Variants in CHRM1 observed in about 807,000 individuals in gnomAD.
CHRM1 encodes cholinergic receptor muscarinic 1.
In CHRM1, 5 loss-of-function variants were observed where a neutral mutation model predicts 31.6. That is an observed-to-expected ratio of 0.16 (90% CI 0.08 to 0.33). The LOEUF is 0.33. Ranked by LOEUF, CHRM1 falls within the 10% of genes least tolerant of loss-of-function variation. The pLI, the probability that CHRM1 is intolerant of heterozygous loss-of-function variation, is 1.00. For synonymous variants in CHRM1, 227 were observed against 249.7 expected (o/e 0.91, Z 0.86); for missense variants, 338 against 610.3 (o/e 0.55, Z 4.70).
chr11:62,919,594 T>A (rs1190955500), intron 1 of CHRM1, among the ~76,000 whole-genome samples: 1 of 151,976 alleles, frequency 6.6e-6, no homozygotes, highest in Non-Finnish European at 1.5e-5. Flanking sequence ...CCTCATTTCC[T>A]TTCTTCTCTC....
intron 1 of CHRM1, chr11:62,917,813 AGTAACTGGTATTT>A (rs916587902): frequency 9.9e-5 from 15 of 152,200 alleles, no homozygotes; most frequent in African/African-American, 3.6e-4. Context: ...CTCATATTAT[AGTAACTGGTATTT>A]ACTGGCTGCA....
Position 62,910,473 on chromosome 11 carries a change from G to A in CHRM1, c.628C>T (p.Arg210Cys), listed in dbSNP as rs1213211267. The A allele has an allele frequency of 1.9e-6, 3 of 1,613,992 alleles. No homozygotes were observed. Among genetic ancestry groups the A allele is most frequent in the East Asian group, 2.2e-5 (1 of 44,894 alleles). The change falls in exon 2 of 2, where the codon CGC (arginine) becomes TGC (cysteine). Residue 210 changes from arginine (R) to cysteine (C), a missense_variant. Coordinates refer to ENST00000306960, the MANE Select transcript of CHRM1 (RefSeq NM_000738.3). The surrounding 1 kb of genome is among the most constrained non-coding windows in gnomAD (Gnocchi z 8.7). Reference protein sequence around the residue: ...PVTVMCTLYWRIYRETENRAR... With the variant: ...PVTVMCTLYWCIYRETENRAR... ...CGGTTCTCTGTCTCCCGGTAGATGCGCCAGTAGAGCGTGCACATGACTGTG... is the reference window on the plus strand; with the variant it reads ...CGGTTCTCTGTCTCCCGGTAGATGCACCAGTAGAGCGTGCACATGACTGTG...
At chr11:62,917,225 T>C (rs1297953569) in intron 1 of CHRM1, among the ~76,000 whole-genome samples, 2 of 152,184 alleles carry the variant, frequency 1.3e-5, no homozygotes, top group Middle Eastern at 3.2e-3. Context: ...TTGTGGCAGA[T>C]TCCCCTGGGG....
At chr11:62,921,865 G>A (rs1328685361), upstream of CHRM1, 4 of 152,150 alleles carry the variant, frequency 2.6e-5, no homozygotes, top group African/African-American at 9.7e-5. Context: ...CTGTGAGAGA[G>A]CTAGATTCCT....
chr11:62,917,111 T>A (rs2085904484), intron 1 of CHRM1, among the ~76,000 whole-genome samples: 2 of 152,222 alleles, frequency 1.3e-5, no homozygotes, highest in Admixed American at 6.5e-5. Flanking sequence ...TGTGTGACCT[T>A]GTCCAAGTCT....
chr11:62,919,902 T>C (rs2085922859), intron 1 of CHRM1, among the ~76,000 whole-genome samples: 1 of 152,138 alleles, frequency 6.6e-6, no homozygotes, highest in South Asian at 2.1e-4. Context: ...ATAGAAAGCC[T>C]CCTTTCTAGG....
intron 1 of CHRM1, among the ~76,000 whole-genome samples, chr11:62,911,993 G>A (rs1322833018): frequency 6.6e-6 from 1 of 152,112 alleles, no homozygotes; most frequent in Non-Finnish European, 1.5e-5. Flanking sequence ...TATGTAGGGG[G>A]TGGTATTTGG....
At chr11:62,920,994 A>G (rs1194549385) in intron 1 of CHRM1, among the ~76,000 whole-genome samples, 1 of 152,080 alleles carries the variant, frequency 6.6e-6, no homozygotes, top group East Asian at 1.9e-4. Context: ...CCAGAAAAAC[A>G]TCAGCTATAT....
chr11:62,913,844 G>T (rs954626984), intron 1 of CHRM1, among the ~76,000 whole-genome samples: 1 of 151,534 alleles, frequency 6.6e-6, no homozygotes, highest in African/African-American at 2.4e-5. Flanking sequence ...GATGGCTGTT[G>T]TCTCCATTTT....
At chr11:62,917,021 A>C (rs932321367) in intron 1 of CHRM1, 5 of 152,422 alleles carry the variant, frequency 3.3e-5, no homozygotes, top group African/African-American at 1.2e-4. Context: ...TATCAGAAGC[A>C]GAGGTCCTCA....
chr11:62,911,696 C>G (rs1297905789), intron 1 of CHRM1, among the ~76,000 whole-genome samples: 2 of 152,168 alleles, frequency 1.3e-5, no homozygotes, highest in Non-Finnish European at 2.9e-5. Context: ...AACTGTGGCT[C>G]TGAGCAGCTG....
intron 1 of CHRM1, among the ~76,000 whole-genome samples, chr11:62,916,052 C>T (rs1345857811): frequency 6.6e-6 from 1 of 152,106 alleles, no homozygotes; most frequent in Admixed American, 6.5e-5. Context: ...TCAGGTGATC[C>T]ACCTGCCTCG....
intron 1 of CHRM1, among the ~76,000 whole-genome samples, chr11:62,917,261 G>A (rs1358591432): frequency 1.3e-5 from 2 of 152,206 alleles, no homozygotes; most frequent in Non-Finnish European, 2.9e-5. Context: ...TGAGGATTAG[G>A]GTATGGGGTT....
intron 1 of CHRM1, among the ~76,000 whole-genome samples, chr11:62,917,104 G>T (rs1265539462): frequency 6.6e-6 from 1 of 152,202 alleles, no homozygotes; most frequent in Non-Finnish European, 1.5e-5. Context: ...TCCCTTCTGT[G>T]TGACCTTGTC....
chr11:62,910,555 G>T lies in CHRM1; in HGVS notation c.546C>A (p.Phe182Leu). Reference protein sequence around the residue: ...TVLAGQCYIQFLSQPIITFGT... With the variant: ...TVLAGQCYIQLLSQPIITFGT... ...CAAAGGTGATGATGGGCTGGGAGAG[G>T]AACTGGATGTAGCACTGCCCAGCTA... Residue 182 changes from phenylalanine (F) to leucine (L), a missense_variant, in exon 2 of 2, where the codon TTC (phenylalanine) becomes TTA (leucine). Coordinates refer to ENST00000306960, the MANE Select transcript of CHRM1 (RefSeq NM_000738.3). The surrounding 1 kb of genome is among the most constrained non-coding windows in gnomAD (Gnocchi z 8.7). The T allele has an allele frequency of 6.2e-7, 1 of 1,614,212 alleles. No individual in the cohort carries two copies. The highest frequency in any genetic ancestry group is 8.5e-7 in the Non-Finnish European group (1 of 1,180,026).
chr11:62,916,393 C>T lies in CHRM1; in HGVS notation c.-79+4825G>A, dbSNP rs188783131. Among the ~76,000 whole-genome samples, 37 of 152,322 alleles carry T rather than the reference C, an allele frequency of 2.4e-4. 1 individual carries two copies. The highest frequency in any genetic ancestry group is 1.9e-3 in the East Asian group (10 of 5,188). On this transcript the variant is annotated intron_variant, in intron 1 of 1. Transcript: ENST00000306960. ...ATGTCATCAACTCAGATTGCGAATA[C>T]GGTGCCCATCACAAGGCTAGCTATA...
rs1476180424 is a variant in CHRM1 at position 62,910,307 on chromosome 11, G to A, written c.794C>T (p.Ala265Val). 2 of 1,611,870 alleles carry A rather than the reference G, an allele frequency of 1.2e-6. No individual in the cohort carries two copies. The highest frequency in any genetic ancestry group is 1.7e-6 in the Non-Finnish European group (2 of 1,180,004). Residue 265 changes from alanine to valine, a missense_variant, in exon 2 of 2, where the codon GCC (alanine) becomes GTC (valine). By Grantham distance (64) the Ala-to-Val change is moderately conservative. Transcript: ENST00000306960. The surrounding 1 kb of genome is among the most constrained non-coding windows in gnomAD (Gnocchi z 8.7). ...GCTGTAGGCCTGCAGCAGCCTGGGG[G>A]CCCGGCAGCAGCGACAGCAGCGGCC... is the stretch of plus-strand genomic sequence containing the variant. ...PPGRCCRCCR[A>V]PRLLQAYSWK...
intron 1 of CHRM1, among the ~76,000 whole-genome samples, chr11:62,912,164 C>T (rs971729290): frequency 3.3e-5 from 5 of 151,548 alleles, no homozygotes; most frequent in Non-Finnish European, 7.4e-5. Flanking sequence ...GTCAGGAGAT[C>T]GAGACCATCC....
At chr11:62,920,512 G>A (rs1400541830) in intron 1 of CHRM1, among the ~76,000 whole-genome samples, 3 of 152,104 alleles carry the variant, frequency 2.0e-5, no homozygotes, top group South Asian at 2.1e-4. Context: ...CCCACCCTGC[G>A]GGAGCCCAAG....
Sources: gnomAD v4.1 joint callset for allele counts (sites outside exome capture counted in the v4.1 genomes callset) on GRCh38, gnomAD v4.1.1 for gene constraint, Gnocchi (gnomAD v3.1) non-coding constraint, MANE v1.5 for transcripts, NCBI Gene and HGNC (gene_info 2026-07-23, HGNC 2026-07-21) for gene names.